SOBP: variants seen among roughly 807,000 people sequenced by gnomAD.
SOBP encodes the protein sine oculis-binding protein homolog.
A neutral mutation model predicts 53.6 loss-of-function variants in SOBP; 4 were observed. The ratio of observed to expected loss-of-function variants is 0.07; its 90% CI spans 0.04 to 0.17. The LOEUF (loss-of-function observed/expected upper bound fraction) is 0.17. SOBP is among the 10% of genes least tolerant of loss of function. SOBP has a pLI of 1.00. For missense variants in SOBP, 1,088 were observed against 1,204.7 expected, an observed-to-expected ratio of 0.90 and a Z score of 1.43; for synonymous variants, 584 against 522.6, an observed-to-expected ratio of 1.12 and a Z score of -1.60.
chr6:107,612,003 G>C (rs1175843493), intron 5 of SOBP, among the ~76,000 whole-genome samples: 2 of 152,154 alleles, frequency 1.3e-5, no homozygotes, highest in Non-Finnish European at 2.9e-5. Flanking sequence ...AATATCAGGA[G>C]GGCTGGCACA....
At chr6:107,598,303 G>T (rs1786023444) in intron 5 of SOBP, among the ~76,000 whole-genome samples, 1 of 152,228 alleles carries the variant, frequency 6.6e-6, no homozygotes, top group African/African-American at 2.4e-5. Context: ...TGTGCAATAA[G>T]GAAGTAAAGG....
At chr6:107,582,120 T>C (rs967972012) in intron 4 of SOBP, among the ~76,000 whole-genome samples, 1 of 152,214 alleles carries the variant, frequency 6.6e-6, no homozygotes, top group Admixed American at 6.5e-5. Context: ...TAAATGGCAA[T>C]ATTGTTAACC....
At chr6:107,592,952 G>C (rs907669124) in intron 5 of SOBP, among the ~76,000 whole-genome samples, 1 of 152,212 alleles carries the variant, frequency 6.6e-6, no homozygotes, top group Admixed American at 6.5e-5. Flanking sequence ...ATGCTCTCCA[G>C]CAAGACCATC....
At chr6:107,494,705 T>G (rs1031015195) in intron 1 of SOBP, among the ~76,000 whole-genome samples, 1 of 152,218 alleles carries the variant, frequency 6.6e-6, no homozygotes, top group African/African-American at 2.4e-5. Flanking sequence ...CAGAGATGCT[T>G]CTTTGCTGAA....
At chr6:107,606,070 C>CTTTTTTTTTTT (rs11298151) in intron 5 of SOBP, among the ~76,000 whole-genome samples, 1 of 62,902 alleles carries the variant, frequency 1.6e-5, no homozygotes, top group African/African-American at 5.5e-5. Context: ...AGATAGGCTC[C>CTTTTTTTTTTT]TTTTTTTTTT....
chr6:107,524,559 T>G (rs867544861), intron 3 of SOBP, among the ~76,000 whole-genome samples: 17 of 152,236 alleles, frequency 1.1e-4, no homozygotes, highest in African/African-American at 3.9e-4. Flanking sequence ...AAGGATTGCC[T>G]TCTCTGTATT....
Position 107,506,439 on chromosome 6 carries a change from C to G in SOBP, c.421+12C>G. The G allele has an allele frequency of 6.2e-7, 1 of 1,613,592 alleles. No homozygotes were observed. The highest frequency in any genetic ancestry group is 1.1e-5 in the South Asian group (1 of 91,064). ...AAAGCCACCAGCAGGTAAGTCACTA[C>G]TGGTGTTTTCAGTGATAACAATTCA... On this transcript the variant is annotated intron_variant, in intron 3 of 6. Coordinates refer to ENST00000317357, the MANE Select transcript of SOBP (RefSeq NM_018013.4).
chr6:107,541,192 T>C (rs1784137621), intron 4 of SOBP, among the ~76,000 whole-genome samples: 1 of 152,220 alleles, frequency 6.6e-6, no homozygotes, highest in Non-Finnish European at 1.5e-5. Context: ...CAGACATTAA[T>C]GTATTTTCTG....
intron 6 of SOBP, among the ~76,000 whole-genome samples, chr6:107,656,759 G>C (rs571288287): frequency 9.9e-5 from 15 of 152,242 alleles, no homozygotes; most frequent in Admixed American, 5.2e-4. Flanking sequence ...CAAGCTTCCA[G>C]GTCTCTTTGT....
chr6:107,504,077 G>GAA (rs1250470155), intron 2 of SOBP, among the ~76,000 whole-genome samples: 1 of 152,240 alleles, frequency 6.6e-6, no homozygotes, highest in Non-Finnish European at 1.5e-5. Context: ...CAGATTTAAA[G>GAA]AAAGGGACAA....
intron 4 of SOBP, 84 bp from the exon 5 acceptor site, chr6:107,586,996 G>A: frequency 9.9e-7 from 1 of 1,005,104 alleles, no homozygotes; most frequent in Non-Finnish European, 1.6e-6. Context: ...CCCGTTTGTT[G>A]AATGATCTGA....
At chr6:107,556,353 A>T (rs76126253) in intron 4 of SOBP, among the ~76,000 whole-genome samples, 3,120 of 152,074 alleles carry the variant, frequency 0.021, 102 homozygotes, top group African/African-American at 0.072. Context: ...CTCTCTGAAA[A>T]CTCCATGTAG....
chr6:107,605,753 A>G (rs1786349336), intron 5 of SOBP, among the ~76,000 whole-genome samples: 1 of 152,198 alleles, frequency 6.6e-6, no homozygotes, highest in South Asian at 2.1e-4. Flanking sequence ...AGTTGTCTGT[A>G]GCCTCTCACT....
chr6:107,634,294 C>G lies in SOBP; in HGVS notation c.1450C>G (p.Pro484Ala), dbSNP rs772378900. The G allele has an allele frequency of 1.3e-6, 2 of 1,563,792 alleles. No homozygotes were observed. The highest frequency in any genetic ancestry group is 1.7e-6 in the Non-Finnish European group (2 of 1,161,414). ...GLLPPPPPGA[P>A]LPSLPFPPVS... ...GCTGCCCCCGCCGCCTCCGGGCGCC[C>G]CGCTGCCGAGTCTTCCCTTCCCGCC... is the stretch of plus-strand genomic sequence containing the variant. The change falls in exon 6 of 7, where the codon CCG becomes GCG. Residue 484 changes from proline to alanine, a missense_variant. Physicochemically the swap from Pro to Ala is conservative, Grantham distance 27. Around this residue, in one of 6 missense-constraint regions of SOBP, gnomAD observed 665 missense variants for 629.7 expected, o/e 1.06. Coordinates refer to ENST00000317357, the MANE Select transcript of SOBP (RefSeq NM_018013.4). This position sits in a 1 kb window ranked among gnomAD's most constrained non-coding sequence, Gnocchi z 4.5.
At chr6:107,632,656 C>A (rs1163325676) in intron 5 of SOBP, among the ~76,000 whole-genome samples, 2 of 152,126 alleles carry the variant, frequency 1.3e-5, no homozygotes, top group African/African-American at 4.8e-5. Flanking sequence ...ACTTTGATGT[C>A]TAGTGATTTC....
intron 5 of SOBP, among the ~76,000 whole-genome samples, chr6:107,619,208 A>G (rs748094310): frequency 3.9e-5 from 6 of 152,188 alleles, no homozygotes; most frequent in Non-Finnish European, 7.3e-5. Flanking sequence ...CCAGTACCAC[A>G]AAAGAAAGCT....
intron 4 of SOBP, among the ~76,000 whole-genome samples, chr6:107,550,499 GATAA>G (rs1036769114): frequency 1.3e-5 from 2 of 152,210 alleles, no homozygotes; most frequent in African/African-American, 4.8e-5. Flanking sequence ...GGGATACAAA[GATAA>G]ATAAAGAGAG....
At chr6:107,509,250 T>G (rs932514098) in intron 3 of SOBP, among the ~76,000 whole-genome samples, 11 of 151,880 alleles carry the variant, frequency 7.2e-5, no homozygotes, top group Non-Finnish European at 1.0e-4. Flanking sequence ...CAAAATTAGC[T>G]GGGCATGGTG....
chr6:107,640,034 G>A (rs988252851), intron 6 of SOBP, among the ~76,000 whole-genome samples: 8 of 152,190 alleles, frequency 5.3e-5, no homozygotes, highest in Non-Finnish European at 7.3e-5. Context: ...GCTGGAGGAG[G>A]CACCTGTAGT....
Sources: gnomAD v4.1 joint callset for allele counts (sites outside exome capture counted in the v4.1 genomes callset) on GRCh38, gnomAD v4.1.1 for gene constraint, gnomAD v4.1.1 regional missense constraint, Gnocchi (gnomAD v3.1) non-coding constraint, MANE v1.5 for transcripts, NCBI Gene and HGNC (gene_info 2026-07-23, HGNC 2026-07-21) for gene names.